EIF1B: variants seen among roughly 807,000 people sequenced by gnomAD.
The protein encoded by EIF1B is protein translation factor SUI1 homolog GC20.
Under a neutral mutation model 14.8 loss-of-function variants are expected in EIF1B, and 5 were observed. The observed-to-expected ratio is 0.34, with a 90% confidence interval of 0.18 to 0.71. The LOEUF (loss-of-function observed/expected upper bound fraction) is 0.71. Ranked by LOEUF, EIF1B falls within the 30% of genes least tolerant of loss-of-function variation. The probability of loss-of-function intolerance (pLI) is 0.64; values close to 1 mark genes in which losing one functional copy is unlikely to be tolerated. For synonymous variants in EIF1B, 45 were observed against 45.8 expected, an observed-to-expected ratio of 0.98 and a Z score of 0.07; for missense variants, 56 against 134.0, an observed-to-expected ratio of 0.42 and a Z score of 2.87.
At chr3:40,310,731 A>T in intron 1 of EIF1B, 162 bp from the exon 2 acceptor site, 1 of 622,820 alleles carries the variant, frequency 1.6e-6, no homozygotes. Context: ...GGGTTTTATT[A>T]ATACTCCACC....
At position 40,311,533 on chromosome 3, in the gene EIF1B, G is replaced by A. The variant is rs771710731; in HGVS notation, c.259G>A (p.Gly87Ser). ...ATACGGAGAGGTTATTCAGCTTCAA[G>A]GTGACCAAAGAAAAAACATCTGCCA... ...PEYGEVIQLQ[G>S]DQRKNICQFL... The change falls in exon 3 of 4, where the codon GGT (glycine) becomes AGT (serine). Residue 87 changes from glycine (G) to serine (S), a missense_variant. Coordinates refer to ENST00000232905, the MANE Select transcript of EIF1B (RefSeq NM_005875.3). 6.2e-7 allele frequency: 1 copy of A among 1,613,940 alleles called. No homozygotes were observed. Among genetic ancestry groups the A allele is most frequent in the South Asian group, 1.1e-5 (1 of 91,060 alleles).
At chr3:40,310,037 GGC>G in intron 1 of EIF1B, 65 bp downstream of exon 1, 2 of 1,602,586 alleles carry the variant, frequency 1.2e-6, no homozygotes, top group Non-Finnish European at 1.7e-6. Flanking sequence ...TTGCCCGCCT[GGC>G]CACCGCCCCT....
chr3:40,310,776 G>T, intron 1 of EIF1B, 117 bp from the exon 2 acceptor site: 1 of 1,136,086 alleles, frequency 8.8e-7, no homozygotes, highest in Non-Finnish European at 1.2e-6. Flanking sequence ...AACAGCAAAG[G>T]CACTAGAACC....
At chr3:40,310,773 A>G (rs1389697769) in intron 1 of EIF1B, 120 bp from the exon 2 acceptor site, 1 of 1,107,356 alleles carries the variant, frequency 9.0e-7, no homozygotes, top group Non-Finnish European at 1.2e-6. Flanking sequence ...AAAAACAGCA[A>G]AGGCACTAGA....
At chr3:40,310,300 C>T (rs566107064) in intron 1 of EIF1B, among the ~76,000 whole-genome samples, 1 of 152,340 alleles carries the variant, frequency 6.6e-6, no homozygotes, top group East Asian at 1.9e-4. Context: ...CTGCTACTTG[C>T]AAAGGGTATG....
Position 40,309,891 on chromosome 3 carries a change from G to C in EIF1B, c.-51G>C. The C allele has an allele frequency of 6.2e-7, 1 of 1,603,208 alleles. No homozygotes were observed. The highest frequency in any genetic ancestry group is 8.5e-7 in the Non-Finnish European group (1 of 1,170,514). ...TACAGCCTCCTGACAAGGTGATCCG[G>C]GCGGGCCCCGCAGGAATTTTATCCC... On this transcript the variant is annotated 5_prime_UTR_variant, in exon 1 of 4. Coordinates refer to ENST00000232905, the MANE Select transcript of EIF1B (RefSeq NM_005875.3).
At chr3:40,310,114 C>T (rs1002086741) in intron 1 of EIF1B, 142 bp downstream of exon 1, 3 of 1,186,984 alleles carry the variant, frequency 2.5e-6, no homozygotes, top group Admixed American at 4.3e-5. Flanking sequence ...CAGAAAATGG[C>T]GACGGGGCCC....
intron 1 of EIF1B, among the ~76,000 whole-genome samples, chr3:40,310,173 C>G (rs1354397990): frequency 1.3e-5 from 2 of 152,222 alleles, no homozygotes; most frequent in African/African-American, 4.8e-5. Flanking sequence ...GCCCTCCTCT[C>G]GGAGCCCCGG....
chr3:40,311,110 GATT>G (rs989237947), intron 2 of EIF1B, 54 bp downstream of exon 2: 2 of 1,532,120 alleles, frequency 1.3e-6, no homozygotes, highest in Non-Finnish European at 1.8e-6. Context: ...CTCTGAACTG[GATT>G]ATGATTCACA....
intron 3 of EIF1B, 152 bp from the exon 4 acceptor site, chr3:40,311,818 G>A (rs990305799): frequency 2.8e-5 from 20 of 708,130 alleles, no homozygotes; most frequent in Middle Eastern, 6.1e-4. Flanking sequence ...TCAAATACGT[G>A]TTGAATTGTT....
At chr3:40,310,364 A>C (rs1009917577) in intron 1 of EIF1B, among the ~76,000 whole-genome samples, 2 of 152,184 alleles carry the variant, frequency 1.3e-5, no homozygotes, top group African/African-American at 2.4e-5. Context: ...TCCTGGGGGC[A>C]CTTAGGGAAA....
chr3:40,311,647 TCTA>T lies in EIF1B; in HGVS notation c.297+80_297+82del, dbSNP rs1484528296. On this transcript the variant is annotated intron_variant, in intron 3 of 3. Coordinates refer to ENST00000232905, the MANE Select transcript of EIF1B (RefSeq NM_005875.3). ...TATTTAAAGGCAACATGATTTGTTT[TCTA>T]CTAAGTAAAAAATCATACGAATGAA... The T allele has an allele frequency of 2.7e-5, 32 of 1,193,512 alleles. No homozygotes were observed. In the Middle Eastern group the frequency reaches 5.8e-4, roughly 22 times the overall value. 73.9% of individuals were successfully genotyped at this position (1,193,512 alleles called of 1,614,324 possible). A position where few individuals can be genotyped will look rare whatever the true frequency, so the allele number is the denominator to read the frequency against.
At chr3:40,311,833 A>C in intron 3 of EIF1B, 137 bp from the exon 4 acceptor site, 1 of 745,512 alleles carries the variant, frequency 1.3e-6, no homozygotes, top group Non-Finnish European at 2.3e-6. Flanking sequence ...ATTGTTGGCT[A>C]TCAGCAGTGC....
In EIF1B at chr3:40,309,939, C is replaced by G. The variant is rs200636808; in HGVS notation, c.-3C>G. The stretch of plus-strand genomic sequence containing the variant: ...CCCCTCACCGGCCTCACACTAGTAT[C>G]GCATGTCCACTATCCAGAACCTCCA... On this transcript the variant is annotated 5_prime_UTR_variant, in exon 1 of 4. The change creates a new upstream start codon in the 5' untranslated region. Coordinates refer to ENST00000232905, the MANE Select transcript of EIF1B (RefSeq NM_005875.3). 1.1e-5 allele frequency: 17 copies of G among 1,614,072 alleles called. No homozygotes were observed. In the African/African-American group the frequency reaches 2.3e-4, roughly 22 times the overall value.
At chr3:40,310,179 C>A (rs561749023) in intron 1 of EIF1B, among the ~76,000 whole-genome samples, 2 of 152,122 alleles carry the variant, frequency 1.3e-5, no homozygotes, top group South Asian at 4.2e-4. Context: ...CTCTCGGAGC[C>A]CCGGCCGCGG....
chr3:40,312,262 G>T lies in EIF1B; in HGVS notation c.*248G>T. On this transcript the variant is annotated 3_prime_UTR_variant, in exon 4 of 4. Transcript: ENST00000232905. ...ATGTTTCCAATGGAAAATGTTTTGA[G>T]TGTTTATTGTTCAGTTTATTACGTT... is the stretch of plus-strand genomic sequence containing the variant. 3 of 434,928 alleles carry T rather than the reference G, an allele frequency of 6.9e-6. No homozygotes were observed. The highest frequency in any genetic ancestry group is 1.2e-5 in the Non-Finnish European group (3 of 246,774). 26.9% of individuals were successfully genotyped at this position (434,928 alleles called of 1,614,324 possible). A position where few individuals can be genotyped will look rare whatever the true frequency, so the allele number is the denominator to read the frequency against.
intron 1 of EIF1B, 100 bp downstream of exon 1, chr3:40,310,072 C>G (rs1284951160): frequency 4.0e-6 from 6 of 1,504,092 alleles, no homozygotes; most frequent in South Asian, 1.1e-5. Context: ...TCTGCCCTTC[C>G]CGCACCCCTA....
intron 1 of EIF1B, 43 bp from the exon 2 acceptor site, chr3:40,310,850 T>G: frequency 6.6e-7 from 1 of 1,521,518 alleles, no homozygotes; most frequent in Non-Finnish European, 8.8e-7. Context: ...TTAAAAAATA[T>G]TTTTCTACTT....
In EIF1B at chr3:40,311,970, G is replaced by T; in HGVS notation, c.298G>T (p.Val100Phe). The T allele has an allele frequency of 6.3e-7, 1 of 1,598,214 alleles. No individual in the cohort carries two copies. The highest frequency in any genetic ancestry group is 2.2e-5 in the East Asian group (1 of 44,758). The change falls in exon 4 of 4, where the codon GTT (valine) becomes TTT (phenylalanine). Residue 100 changes from valine to phenylalanine, a missense_variant and splice_region_variant. Around this residue, in one of 3 missense-constraint regions of EIF1B, gnomAD observed 35 missense variants for 82.9 expected, o/e 0.42. Transcript: ENST00000232905. ...RKNICQFLLE[V>F]GIVKEEQLKV... Reference sequence around the variant, plus strand: ...TGCTAAATTAGATTTTATTTTACAGGTTGGCATTGTAAAGGAGGAACAGCT... The same window carrying T: ...TGCTAAATTAGATTTTATTTTACAGTTTGGCATTGTAAAGGAGGAACAGCT...
Sources: allele counts gnomAD v4.1 joint callset (sites outside exome capture counted in the v4.1 genomes callset), GRCh38; gene constraint gnomAD v4.1.1; regional missense constraint gnomAD v4.1.1; transcripts MANE v1.5; gene names NCBI Gene and HGNC (gene_info 2026-07-23, HGNC 2026-07-21).